The following CTNNA3 variants were observed in gnomAD, a reference collection of about 807,000 sequenced individuals.
CTNNA3 encodes the protein catenin alpha 3.
Under a neutral mutation model 95.7 loss-of-function variants are expected in CTNNA3, and 76 were observed. The observed-to-expected ratio is 0.79, with a 90% CI of 0.66 to 0.96. CTNNA3 has a LOEUF of 0.96. Ranked by LOEUF, CTNNA3 falls within the 40% of genes least tolerant of loss-of-function variation. The pLI, the probability that CTNNA3 is intolerant of heterozygous loss-of-function variation, is 0.00. For missense variants in CTNNA3, 1,191 were observed against 1,089.8 expected (o/e 1.09, Z -1.31); for synonymous variants, 431 against 374.4 (o/e 1.15, Z -1.74).
chr10:67,729,993 A>C (rs1019569039), intron 1 of CTNNA3, among the ~76,000 whole-genome samples: 2 of 152,174 alleles, frequency 1.3e-5, no homozygotes, highest in Non-Finnish European at 2.9e-5. Flanking sequence ...AAAATGTAAG[A>C]GGAAAATGTT....
chr10:67,407,651 G>A (rs1294462049), intron 5 of CTNNA3, among the ~76,000 whole-genome samples: 1 of 152,090 alleles, frequency 6.6e-6, no homozygotes, highest in African/African-American at 2.4e-5. Context: ...TGACATAATT[G>A]CGTATCTAGA....
chr10:66,114,446 A>T (rs867928101), intron 13 of CTNNA3, among the ~76,000 whole-genome samples: 1 of 148,324 alleles, frequency 6.7e-6, no homozygotes, highest in Non-Finnish European at 1.5e-5. Flanking sequence ...ATATGTGTAT[A>T]TATGTATATA....
intron 1 of CTNNA3, among the ~76,000 whole-genome samples, chr10:67,675,122 T>C (rs2133557956): frequency 6.6e-6 from 1 of 152,250 alleles, no homozygotes; most frequent in Admixed American, 6.6e-5. Flanking sequence ...TTTTCTTTTC[T>C]GTGAATTACC....
intron 13 of CTNNA3, among the ~76,000 whole-genome samples, chr10:66,123,434 G>A (rs781627314): frequency 1.3e-5 from 2 of 152,174 alleles, no homozygotes; most frequent in Admixed American, 6.5e-5. Flanking sequence ...CCTCTCGACT[G>A]CTTTTATGGG....
intron 12 of CTNNA3, among the ~76,000 whole-genome samples, chr10:66,293,130 G>A (rs755801691): frequency 3.3e-5 from 5 of 152,118 alleles, no homozygotes; most frequent in Non-Finnish European, 5.9e-5. Context: ...AGCAAAAAAT[G>A]AATCACAAAA....
rs766049183 is a variant in CTNNA3, at chr10:66,555,494, G to C, written c.1375-34721C>G. On this transcript the variant is annotated intron_variant, in intron 10 of 17. Coordinates refer to ENST00000433211, the MANE Select transcript of CTNNA3 (RefSeq NM_013266.4). The stretch of plus-strand genomic sequence containing the variant: ...AATCACTGTTACATGAAATTCAAGT[G>C]TAACTGTGCATTCCGTATTTTATCT... 4.6e-5 allele frequency among the ~76,000 whole-genome samples: 7 copies of C among 152,204 alleles called. No homozygotes were observed. In the South Asian group the frequency reaches 1.5e-3, roughly 32 times the overall value.
intron 5 of CTNNA3, among the ~76,000 whole-genome samples, chr10:67,224,533 A>T (rs1864803497): frequency 6.6e-6 from 1 of 152,196 alleles, no homozygotes; most frequent in African/African-American, 2.4e-5. Flanking sequence ...CACCACAAAT[A>T]CTGTGAGTGC....
chr10:67,087,031 G>A (rs929914996), intron 7 of CTNNA3, among the ~76,000 whole-genome samples: 15 of 151,972 alleles, frequency 9.9e-5, no homozygotes, highest in Non-Finnish European at 2.2e-4. Context: ...TGAAGAAACG[G>A]ATTTGGAAAC....
chr10:67,741,288 A>C (rs527335872), intron 1 of CTNNA3, among the ~76,000 whole-genome samples: 8 of 149,850 alleles, frequency 5.3e-5, no homozygotes, highest in Admixed American at 4.7e-4. Context: ...GTGCACATGT[A>C]CCCTAAAACT....
rs554320825 is a variant in CTNNA3 at position 67,648,419 on chromosome 10, G to A, written c.-5-901C>T. ...AAAGAGAGAGCACACTTCCTGAAAT[G>A]TAGCACATTTCTAGATAGTTCTCTT... On this transcript the variant is annotated intron_variant, in intron 1 of 17. Coordinates refer to ENST00000433211, the MANE Select transcript of CTNNA3 (RefSeq NM_013266.4). Among the ~76,000 whole-genome samples the A allele has an allele frequency of 3.3e-4, 50 of 152,284 alleles. 1 individual carries two copies. Among genetic ancestry groups the A allele is most frequent in the African/African-American group, 1.1e-3 (45 of 41,560 alleles).
At chr10:66,024,767 C>G (rs1196793181) in intron 15 of CTNNA3, among the ~76,000 whole-genome samples, 3 of 152,086 alleles carry the variant, frequency 2.0e-5, no homozygotes, top group Non-Finnish European at 4.4e-5. Context: ...CTATGACAAG[C>G]CTGAAATAGG....
At chr10:66,850,254 ATCAGT>A (rs1843437428) in intron 7 of CTNNA3, among the ~76,000 whole-genome samples, 1 of 152,168 alleles carries the variant, frequency 6.6e-6, no homozygotes, top group Admixed American at 6.6e-5. Context: ...TTCACAGAGT[ATCAGT>A]TTTGAATCTG....
rs899154090 is a variant in CTNNA3, at chr10:66,627,291, C to T, written c.1282-5507G>A. 2.6e-5 allele frequency among the ~76,000 whole-genome samples: 4 copies of T among 152,254 alleles called. No individual in the cohort carries two copies. In the East Asian group the frequency reaches 5.8e-4, roughly 22 times the overall value. On this transcript the variant is annotated intron_variant, in intron 9 of 17. Coordinates refer to ENST00000433211, the MANE Select transcript of CTNNA3 (RefSeq NM_013266.4). ...CCTCGGAGAACAGTTCTTTTTCTAACCTAGTGGTGTAAAGTCTTGGTACGA... is the reference window on the plus strand; with the variant it reads ...CCTCGGAGAACAGTTCTTTTTCTAATCTAGTGGTGTAAAGTCTTGGTACGA...
chr10:67,165,131 A>G lies in CTNNA3; in HGVS notation c.1047+15186T>C, dbSNP rs1467164119. ...AGAATGTCCTACCATAGTCAAATGTATAAACAATGGTATATCCTACCATGG... is the reference window on the plus strand; with the variant it reads ...AGAATGTCCTACCATAGTCAAATGTGTAAACAATGGTATATCCTACCATGG... On this transcript the variant is annotated intron_variant, in intron 7 of 17. Coordinates refer to ENST00000433211, the MANE Select transcript of CTNNA3 (RefSeq NM_013266.4). 2.6e-5 allele frequency among the ~76,000 whole-genome samples: 4 copies of G among 152,220 alleles called. No homozygotes were observed. In the East Asian group the frequency reaches 7.7e-4, roughly 29 times the overall value.
At chr10:66,900,947 A>T (rs1439992748) in intron 7 of CTNNA3, among the ~76,000 whole-genome samples, 2 of 152,170 alleles carry the variant, frequency 1.3e-5, no homozygotes, top group African/African-American at 2.4e-5. Flanking sequence ...AAATTAGAAA[A>T]CACTCTTCAG....
intron 4 of CTNNA3, among the ~76,000 whole-genome samples, chr10:67,534,230 T>A (rs1483301967): frequency 6.6e-6 from 1 of 152,048 alleles, no homozygotes; most frequent in Non-Finnish European, 1.5e-5. Context: ...GTGGATACCC[T>A]CCTCCCACCA....
At chr10:66,432,903 G>T (rs140476961) in intron 11 of CTNNA3, among the ~76,000 whole-genome samples, 17,804 of 151,974 alleles carry the variant, frequency 0.12, 1,505 homozygotes, top group African/African-American at 0.24. Context: ...AGGGTGTTTG[G>T]TTTTCTGTTC....
intron 17 of CTNNA3, among the ~76,000 whole-genome samples, chr10:65,940,422 C>T (rs1446572911): frequency 6.6e-6 from 1 of 152,148 alleles, no homozygotes; most frequent in Non-Finnish European, 1.5e-5. Context: ...AAAAACATAT[C>T]ACTTTATTAT....
intron 12 of CTNNA3, among the ~76,000 whole-genome samples, chr10:66,356,303 G>C (rs889536921): frequency 6.6e-6 from 1 of 151,724 alleles, no homozygotes; most frequent in Non-Finnish European, 1.5e-5. Flanking sequence ...TCATCATATT[G>C]AGTATATTCC....
Sources: gnomAD v4.1 joint callset for allele counts (sites outside exome capture counted in the v4.1 genomes callset) on GRCh38, gnomAD v4.1.1 for gene constraint, MANE v1.5 for transcripts, NCBI Gene and HGNC (gene_info 2026-07-23, HGNC 2026-07-21) for gene names.